Variants in NAA11 observed in about 807,000 individuals in gnomAD.
NAA11 encodes N-alpha-acetyltransferase 11.
NAA11 carries 15 observed loss-of-function variants against 16.1 expected under a neutral mutation model. That is an observed-to-expected ratio of 0.93 (90% CI 0.62 to 1.44). The LOEUF is 1.44. Ranked by LOEUF, NAA11 falls within the 40% of genes most tolerant of loss-of-function variation. The pLI, the probability that NAA11 is intolerant of heterozygous loss-of-function variation, is 0.00. For missense variants in NAA11, 298 were observed against 291.3 expected, an observed-to-expected ratio of 1.02 and a Z score of -0.17; for synonymous variants, 122 against 112.4, an observed-to-expected ratio of 1.09 and a Z score of -0.54.
chr4:79,279,617 C>T (rs1183281184), intron 2 of NAA11, among the ~76,000 whole-genome samples: 1 of 152,120 alleles, frequency 6.6e-6, no homozygotes, highest in Admixed American at 6.6e-5. Flanking sequence ...AATGACCAGT[C>T]TTGGCTTTGT....
At chr4:79,167,412 G>A in the NAA11 span, among the ~76,000 whole-genome samples, 1 of 150,396 alleles carries the variant, frequency 6.6e-6, no homozygotes, top group Non-Finnish European at 1.5e-5. Context: ...TCTAAATCAA[G>A]TCCAATGATA....
At chr4:79,218,316 G>C in the NAA11 span, among the ~76,000 whole-genome samples, 2 of 150,576 alleles carry the variant, frequency 1.3e-5, no homozygotes, top group Non-Finnish European at 3.0e-5. Flanking sequence ...ACTTTATTTA[G>C]GAAAGAAGGA....
At chr4:79,312,489 A>G (rs1420192045), downstream of NAA11, among the ~76,000 whole-genome samples, 1 of 151,900 alleles carries the variant, frequency 6.6e-6, no homozygotes. Context: ...CATCTCTACT[A>G]AAAATACAAA....
At chr4:79,284,957 A>G (rs527592733) in intron 2 of NAA11, among the ~76,000 whole-genome samples, 49 of 151,300 alleles carry the variant, frequency 3.2e-4, no homozygotes, top group African/African-American at 4.3e-4. Flanking sequence ...AGTATTGGTT[A>G]GGAGGTAGGT....
the NAA11 span, among the ~76,000 whole-genome samples, chr4:79,168,037 C>G: frequency 2.0e-5 from 3 of 151,812 alleles, no homozygotes; most frequent in East Asian, 3.9e-4. Flanking sequence ...TACCCCCCAA[C>G]AGGCCCTGGT....
the NAA11 span, among the ~76,000 whole-genome samples, chr4:79,204,519 C>CTCCCTTCCTCCCTCCT: frequency 6.6e-6 from 1 of 150,822 alleles, no homozygotes; most frequent in African/African-American, 2.4e-5. Flanking sequence ...CCCTCCCTCC[C>CTCCCTTCCTCCCTCCT]TCCCTTCCTC....
chr4:79,293,731 A>G (rs1465322670), intron 2 of NAA11, among the ~76,000 whole-genome samples: 1 of 152,202 alleles, frequency 6.6e-6, no homozygotes, highest in African/African-American at 2.4e-5. Context: ...CGAATGACCA[A>G]CTGGTCCATT....
chr4:79,205,542 T>C, the NAA11 span, among the ~76,000 whole-genome samples: 1 of 152,102 alleles, frequency 6.6e-6, no homozygotes, highest in Non-Finnish European at 1.5e-5. Flanking sequence ...TTGTGAATAT[T>C]TTGTCCCAGT....
chr4:79,225,500 A>G (rs1721289307), downstream of NAA11, among the ~76,000 whole-genome samples: 1 of 152,086 alleles, frequency 6.6e-6, no homozygotes, highest in African/African-American at 2.4e-5. Context: ...GATGATGGTA[A>G]CTTGAACAAG....
intron 1 of NAA11, among the ~76,000 whole-genome samples, chr4:79,309,714 C>CTTTTTTTTTTTT (rs71662804): frequency 4.9e-5 from 4 of 81,422 alleles, no homozygotes; most frequent in East Asian, 3.8e-4. Flanking sequence ...TTTTTTTTTT[C>CTTTTTTTTTTTT]TTTTTTTTTT....
At chr4:79,310,756 T>A (rs1264637570) in intron 1 of NAA11, among the ~76,000 whole-genome samples, 1 of 152,210 alleles carries the variant, frequency 6.6e-6, no homozygotes, top group Non-Finnish European at 1.5e-5. Context: ...TAGGAGCAAG[T>A]CTGCCAGTTA....
downstream of NAA11, among the ~76,000 whole-genome samples, chr4:79,315,737 A>T (rs773198026): frequency 2.6e-5 from 4 of 152,134 alleles, no homozygotes; most frequent in Non-Finnish European, 4.4e-5. Context: ...TTACAAAAAA[A>T]ATGGTGCCAC....
chr4:79,178,095 TA>T, the NAA11 span, among the ~76,000 whole-genome samples: 2 of 152,146 alleles, frequency 1.3e-5, no homozygotes, highest in Non-Finnish European at 2.9e-5. Flanking sequence ...TATTTAGAAA[TA>T]TTTGCACTTA....
At chr4:79,261,575 T>C (rs1722244983) in intron 2 of NAA11, among the ~76,000 whole-genome samples, 1 of 152,144 alleles carries the variant, frequency 6.6e-6, no homozygotes. Context: ...CTAAAACCTA[T>C]GTACATGGAT....
the NAA11 span, among the ~76,000 whole-genome samples, chr4:79,216,637 C>A: frequency 2.0e-5 from 3 of 152,030 alleles, no homozygotes; most frequent in African/African-American, 7.2e-5. Flanking sequence ...TAGATTTATT[C>A]TTTGAAATGA....
At chr4:79,276,547 A>G (rs1470528751) in intron 2 of NAA11, among the ~76,000 whole-genome samples, 1 of 152,284 alleles carries the variant, frequency 6.6e-6, no homozygotes, top group East Asian at 1.9e-4. Context: ...ACCTGAAGAC[A>G]TGCAGTTAGC....
chr4:79,157,623 G>A, the NAA11 span, among the ~76,000 whole-genome samples: 1 of 151,122 alleles, frequency 6.6e-6, no homozygotes, highest in Admixed American at 6.6e-5. Flanking sequence ...ATACACATAT[G>A]TATATATACC....
In NAA11 at chr4:79,321,600, G is replaced by A. The variant is rs1724090026; in HGVS notation, c.*12+3576C>T. 4.6e-5 allele frequency among the ~76,000 whole-genome samples: 7 copies of A among 152,120 alleles called. 1 individual carries two copies. Among genetic ancestry groups the A allele is most frequent in the Admixed American group, 4.6e-4 (7 of 15,274 alleles). ...TCTGTATTTTCATCAACCTCTAACT[G>A]AAATCTGGCAATTCTTTAAATTATG... On this transcript the variant is annotated intron_variant, in intron 1 of 1. Transcript: ENST00000286794.
At chr4:79,171,027 C>T in the NAA11 span, among the ~76,000 whole-genome samples, 1 of 151,970 alleles carries the variant, frequency 6.6e-6, no homozygotes, top group Non-Finnish European at 1.5e-5. Flanking sequence ...TGTTATGTTC[C>T]TCTCATGTTG....
Sources: allele counts gnomAD v4.1 joint callset (sites outside exome capture counted in the v4.1 genomes callset), GRCh38; gene constraint gnomAD v4.1.1; transcripts MANE v1.5; gene names NCBI Gene and HGNC (gene_info 2026-07-23, HGNC 2026-07-21).